CDC42BPA: variants seen among roughly 807,000 people sequenced by gnomAD.
CDC42BPA encodes serine/threonine-protein kinase MRCK alpha.
A neutral mutation model predicts 223.5 loss-of-function variants in CDC42BPA; 80 were observed. The observed-to-expected ratio is 0.36, with a 90% CI of 0.30 to 0.43. The LOEUF (loss-of-function observed/expected upper bound fraction) is 0.43. Ranked by LOEUF, CDC42BPA falls within the 20% of genes least tolerant of loss-of-function variation. CDC42BPA has a pLI of 1.00. For missense variants in CDC42BPA, 1,743 were observed against 2,099.9 expected (o/e 0.83, Z 3.32); for synonymous variants, 694 against 718.6 (o/e 0.97, Z 0.55).
intron 5 of CDC42BPA, among the ~76,000 whole-genome samples, chr1:227,182,002 T>C (rs927793117): frequency 8.5e-5 from 13 of 152,196 alleles, no homozygotes; most frequent in Non-Finnish European, 1.8e-4. Flanking sequence ...AAGACATTAA[T>C]GTAATTAAAT....
chr1:227,216,994 C>T (rs959664757), intron 2 of CDC42BPA, among the ~76,000 whole-genome samples: 1 of 152,260 alleles, frequency 6.6e-6, no homozygotes, highest in Non-Finnish European at 1.5e-5. Flanking sequence ...TTTGAAGCTA[C>T]AAACTAGTTA....
At chr1:227,308,271 C>T (rs117611233) in intron 1 of CDC42BPA, among the ~76,000 whole-genome samples, 1 of 152,160 alleles carries the variant, frequency 6.6e-6, no homozygotes, top group East Asian at 1.9e-4. Flanking sequence ...TTTGGGAGAC[C>T]TAGCCCGGTG....
intron 1 of CDC42BPA, among the ~76,000 whole-genome samples, chr1:227,296,954 G>T (rs1436093812): frequency 6.6e-6 from 1 of 152,156 alleles, no homozygotes; most frequent in Non-Finnish European, 1.5e-5. Flanking sequence ...TATCCAGAAT[G>T]TATGAAGAAC....
rs572268069 is a variant in CDC42BPA, at chr1:227,172,714, C to A, written c.600-12078G>T. Among the ~76,000 whole-genome samples, 4 of 152,016 alleles carry A rather than the reference C, an allele frequency of 2.6e-5. No individual in the cohort carries two copies. In the South Asian group the frequency reaches 8.3e-4, roughly 32 times the overall value. ...GGTACATGGGACCTTTCTGTACTAC[C>A]TTTGCAATTTCCTGTGATTCCAAAC... is the stretch of plus-strand genomic sequence containing the variant. On this transcript the variant is annotated intron_variant, in intron 5 of 36. Transcript: ENST00000366766.
In CDC42BPA at chr1:227,129,213, T is replaced by C. The variant is rs752250856; in HGVS notation, c.1409A>G (p.Gln470Arg). The C allele has an allele frequency of 1.9e-6, 3 of 1,592,890 alleles. No homozygotes were observed. The highest frequency in any genetic ancestry group is 1.4e-5 in the African/African-American group (1 of 73,848). ...RKLQESTQTV[Q>R]ALQYSTVDGP... Reference sequence around the variant, plus strand: ...ATCAACAGTTGAATACTGCAGAGCTTGGACAGTCTGTGTTGACTCTTTAAA... The same window carrying C: ...ATCAACAGTTGAATACTGCAGAGCTCGGACAGTCTGTGTTGACTCTTTAAA... Residue 470 changes from glutamine to arginine, a missense_variant, in exon 11 of 37, where the codon CAA becomes CGA. Coordinates refer to ENST00000366766, the MANE Select transcript of CDC42BPA (RefSeq NM_001394014.1).
At chr1:227,301,102 G>A (rs745800770) in intron 1 of CDC42BPA, among the ~76,000 whole-genome samples, 4 of 152,132 alleles carry the variant, frequency 2.6e-5, no homozygotes, top group Non-Finnish European at 5.9e-5. Context: ...TATCACTAAC[G>A]AATTTAACCT....
In CDC42BPA at chr1:227,317,803, T is replaced by C; in HGVS notation, c.-621A>G. On this transcript the variant is annotated 5_prime_UTR_variant, in exon 1 of 37. Transcript: ENST00000366766. ...GAGGTCCCTGAAGCAGCCCCTCGGCTCGGAGCACGCCAAGTCTTGCCCGGA... is the reference window on the plus strand; with the variant it reads ...GAGGTCCCTGAAGCAGCCCCTCGGCCCGGAGCACGCCAAGTCTTGCCCGGA... 1 of 398,718 alleles carries C rather than the reference T, an allele frequency of 2.5e-6. No individual in the cohort carries two copies. The highest frequency in any genetic ancestry group is 4.4e-6 in the Non-Finnish European group (1 of 226,124). The allele number at this position is 398,718 out of a possible 1,614,324, so 24.7% of individuals were successfully genotyped here. A position where few individuals can be genotyped will look rare whatever the true frequency, so the allele number is the denominator to read the frequency against.
chr1:226,994,857 C>T lies in CDC42BPA; in HGVS notation c.5099G>A (p.Gly1700Glu), dbSNP rs756824948. Residue 1700 changes from glycine to glutamate, a missense_variant, in exon 36 of 37, where the codon GGA becomes GAA. Physicochemically the swap from Gly to Glu is moderately conservative, Grantham distance 98 (BLOSUM62 -2). Transcript: ENST00000366766. The surrounding 1 kb of genome is among the most constrained non-coding windows in gnomAD (Gnocchi z 4.0). Reference protein sequence around the residue: ...GSLSSGGMDQGSDAPARDFDG... With the variant: ...GSLSSGGMDQESDAPARDFDG... ...AAAGTCCCTCGCTGGGGCATCACTT[C>T]CTTGGTCCATGCCTCCAGAGGACAA... 19 of 1,613,772 alleles carry T rather than the reference C, an allele frequency of 1.2e-5. 1 individual carries two copies. In the South Asian group the frequency reaches 2.1e-4, roughly 18 times the overall value.
intron 21 of CDC42BPA, among the ~76,000 whole-genome samples, chr1:227,065,129 C>T (rs1476938111): frequency 2.4e-5 from 3 of 124,618 alleles, no homozygotes; most frequent in African/African-American, 1.0e-4. Context: ...AATAAATTAA[C>T]TCAAACCCTT....
intron 3 of CDC42BPA, among the ~76,000 whole-genome samples, chr1:227,205,541 G>A (rs1672575481): frequency 6.6e-6 from 1 of 151,856 alleles, no homozygotes; most frequent in African/African-American, 2.4e-5. Context: ...GTATTTGAGG[G>A]AGAAAAGGGA....
chr1:227,141,297 G>A (rs1232612740), intron 9 of CDC42BPA, among the ~76,000 whole-genome samples: 3 of 151,800 alleles, frequency 2.0e-5, no homozygotes, highest in Admixed American at 2.0e-4. Flanking sequence ...AGACATGGTT[G>A]ATAAGAGGTA....
rs7533684 is a variant in CDC42BPA, at chr1:227,256,272, G to T, written c.179-2117C>A. On this transcript the variant is annotated intron_variant, in intron 1 of 36. Coordinates refer to ENST00000366766, the MANE Select transcript of CDC42BPA (RefSeq NM_001394014.1). ...CTCATAAGTGGGAGATGAACAATGA[G>T]AACATACATGGACACAGGGAGGGGC... Among the ~76,000 whole-genome samples the T allele has an allele frequency of 3.6e-3, 551 of 152,218 alleles. 3 individuals carry two copies. The highest frequency in any genetic ancestry group is 0.012 in the African/African-American group (503 of 41,534).
chr1:227,007,184 T>C (rs963841442), intron 34 of CDC42BPA, among the ~76,000 whole-genome samples: 3 of 152,246 alleles, frequency 2.0e-5, no homozygotes, highest in African/African-American at 7.2e-5. Flanking sequence ...AGTTAAACTA[T>C]AACATGCAAC....
intron 10 of CDC42BPA, among the ~76,000 whole-genome samples, chr1:227,135,855 C>CAAAAAAA (rs1175091904): frequency 1.5e-3 from 10 of 6,596 alleles, no homozygotes; most frequent in South Asian, 9.3e-3. Flanking sequence ...CTCTGTCTCC[C>CAAAAAAA]AAAAAAAAAA....
intron 21 of CDC42BPA, among the ~76,000 whole-genome samples, chr1:227,055,662 T>G (rs1028265997): frequency 6.6e-6 from 1 of 152,126 alleles, no homozygotes; most frequent in African/African-American, 2.4e-5. Flanking sequence ...TTGTCATTTT[T>G]TATGTGCTAA....
At chr1:227,030,962 T>C (rs543570617) in intron 28 of CDC42BPA, among the ~76,000 whole-genome samples, 1 of 152,286 alleles carries the variant, frequency 6.6e-6, no homozygotes, top group East Asian at 1.9e-4. Flanking sequence ...CCCAATAACC[T>C]CAGCAAGGTA....
At chr1:227,048,114 G>A (rs1166503499) in intron 22 of CDC42BPA, 104 bp from the exon 23 acceptor site, 2 of 601,264 alleles carry the variant, frequency 3.3e-6, no homozygotes, top group Non-Finnish European at 5.7e-6. Flanking sequence ...CATCAATAAG[G>A]CAAAAAGTTC....
chr1:227,004,809 G>A, intron 35 of CDC42BPA, 185 bp downstream of exon 35: 2 of 717,100 alleles, frequency 2.8e-6, no homozygotes, highest in Non-Finnish European at 2.6e-6. Context: ...AGGACTCTGG[G>A]ACTATTTTCT....
intron 14 of CDC42BPA, among the ~76,000 whole-genome samples, chr1:227,110,447 A>T (rs1385616611): frequency 6.6e-6 from 1 of 152,214 alleles, no homozygotes. Context: ...TCTCCAATGA[A>T]GTAATGTTTA....
Sources: gnomAD v4.1 joint callset for allele counts (sites outside exome capture counted in the v4.1 genomes callset) on GRCh38, gnomAD v4.1.1 for gene constraint, Gnocchi (gnomAD v3.1) non-coding constraint, MANE v1.5 for transcripts, NCBI Gene and HGNC (gene_info 2026-07-23, HGNC 2026-07-21) for gene names.